FAAH2: variants seen among roughly 807,000 people sequenced by gnomAD.
FAAH2 encodes the protein fatty acid amide hydrolase 2, also known as fatty-acid amide hydrolase 2.
FAAH2 carries 60 observed loss-of-function variants against 36.9 expected under a neutral mutation model. That is an observed-to-expected ratio of 1.63 (90% confidence interval 1.32 to 2.02). FAAH2 has a LOEUF of 2.02. FAAH2 is among the 30% of genes most tolerant of loss of function. The pLI, the probability that FAAH2 is intolerant of heterozygous loss-of-function variation, is 0.00. For missense variants in FAAH2, 689 were observed against 397.5 expected, an observed-to-expected ratio of 1.73 and a Z score of -6.23; for synonymous variants, 214 against 143.8, an observed-to-expected ratio of 1.49 and a Z score of -3.49.
intron 2 of FAAH2, among the ~76,000 whole-genome samples, chrX:57,309,405 A>G (rs1279888587): frequency 8.9e-6 from 1 of 112,331 alleles, no homozygotes; most frequent in Non-Finnish European, 1.9e-5. Context: ...ATTAAATGAC[A>G]TTACATCATA....
chrX:57,240,390 C>T, the FAAH2 span, among the ~76,000 whole-genome samples: 1 of 111,744 alleles, frequency 8.9e-6, no homozygotes, highest in Non-Finnish European at 1.9e-5. Flanking sequence ...GGTTAAGCAC[C>T]TGCTGTGCTG....
the FAAH2 span, among the ~76,000 whole-genome samples, chrX:57,163,275 A>G: frequency 4.5e-5 from 5 of 111,965 alleles, no homozygotes; most frequent in African/African-American, 1.6e-4. Flanking sequence ...GCTGTCAGAC[A>G]GGGACATTTA....
At chrX:57,277,408 T>C in the FAAH2 span, among the ~76,000 whole-genome samples, 2 of 111,775 alleles carry the variant, frequency 1.8e-5, no homozygotes, top group African/African-American at 6.5e-5. Flanking sequence ...AAACTAGGTA[T>C]TGATGGAATG....
rs1049494282 is a variant in FAAH2 at position 57,463,331 on chromosome X, A to T, written c.1423+14613A>T. ...TAATTTAAATTTTATATGAAACAAA[A>T]AAAGAGCCCATATAGCCAAGAAAAC... is the stretch of plus-strand genomic sequence containing the variant. On this transcript the variant is annotated intron_variant, in intron 10 of 10. Transcript: ENST00000374900. Among the ~76,000 whole-genome samples the T allele has an allele frequency of 4.5e-5, 5 of 111,503 alleles. No individual in the cohort carries two copies. The East Asian group carries it at 1.1e-3, about 25-fold the overall frequency.
the FAAH2 span, among the ~76,000 whole-genome samples, chrX:57,237,320 G>A: frequency 1.8e-5 from 2 of 110,584 alleles, no homozygotes; most frequent in Non-Finnish European, 3.8e-5. Flanking sequence ...TTTTTTATTT[G>A]TTTTATTTTT....
chrX:57,286,879 C>G lies in FAAH2; in HGVS notation c.54C>G (p.Gly18=), dbSNP rs780908655. 8.4e-7 allele frequency: 1 copy of G among 1,196,309 alleles called. No individual in the cohort carries two copies. The highest frequency in any genetic ancestry group is 1.8e-5 in the African/African-American group (1 of 56,485). The part of the protein sequence containing the change: ...RIQLFLLRAL[G]FLIGLVGRAA... The stretch of plus-strand genomic sequence containing the variant: ...AGTTGTTCCTCTTGCGGGCGCTAGG[C>G]TTTCTCATAGGCTTAGTAGGCCGAG... Residue 18 remains glycine, a synonymous_variant, in exon 1 of 11, where the codon GGC becomes GGG. Coordinates refer to ENST00000374900, the MANE Select transcript of FAAH2 (RefSeq NM_174912.4).
the FAAH2 span, among the ~76,000 whole-genome samples, chrX:57,253,075 A>G: frequency 8.9e-6 from 1 of 112,147 alleles, no homozygotes; most frequent in African/African-American, 3.2e-5. Context: ...AGCTTAAATT[A>G]CCTGATGGAG....
chrX:57,423,757 T>A (rs753884808), intron 7 of FAAH2, among the ~76,000 whole-genome samples: 1 of 111,169 alleles, frequency 9.0e-6, no homozygotes, highest in Non-Finnish European at 1.9e-5. Context: ...CCTAGCCCAG[T>A]CCCACTCAGC....
the FAAH2 span, among the ~76,000 whole-genome samples, chrX:57,157,545 T>G: frequency 1.8e-5 from 2 of 111,495 alleles, no homozygotes; most frequent in African/African-American, 6.5e-5. Context: ...CTGCACTCTT[T>G]CTCTCCCAAC....
intron 5 of FAAH2, among the ~76,000 whole-genome samples, chrX:57,343,415 C>T (rs2147064063): frequency 9.0e-6 from 1 of 111,510 alleles, no homozygotes; most frequent in South Asian, 3.7e-4. Context: ...GCTTGTACAT[C>T]TTCTTTTGAG....
the FAAH2 span, among the ~76,000 whole-genome samples, chrX:57,215,070 G>A: frequency 1.9e-5 from 2 of 103,629 alleles, no homozygotes; most frequent in African/African-American, 7.3e-5. Flanking sequence ...TCTGGCAGGG[G>A]TCTAATATCC....
At chrX:57,304,288 A>T (rs2052460045) in intron 2 of FAAH2, among the ~76,000 whole-genome samples, 2 of 112,449 alleles carry the variant, frequency 1.8e-5, no homozygotes, top group South Asian at 7.3e-4. Context: ...CACTGCAAAG[A>T]ACAGAAAATC....
the FAAH2 span, among the ~76,000 whole-genome samples, chrX:57,257,597 C>T: frequency 2.7e-5 from 3 of 110,134 alleles, no homozygotes; most frequent in East Asian, 2.9e-4. Flanking sequence ...AATGTAGTGA[C>T]GGGTTGATGG....
At chrX:57,244,603 C>A in the FAAH2 span, among the ~76,000 whole-genome samples, 1 of 111,584 alleles carries the variant, frequency 9.0e-6, no homozygotes, top group Non-Finnish European at 1.9e-5. Flanking sequence ...GAATTTTCAA[C>A]CCAGAATTTC....
chrX:57,274,489 C>T, the FAAH2 span, among the ~76,000 whole-genome samples: 2 of 111,975 alleles, frequency 1.8e-5, no homozygotes, highest in Non-Finnish European at 3.8e-5. Context: ...TGATAAATAT[C>T]GATGTGACAA....
At chrX:57,267,201 A>G in the FAAH2 span, among the ~76,000 whole-genome samples, 2 of 112,032 alleles carry the variant, frequency 1.8e-5, no homozygotes, top group Admixed American at 1.9e-4. Context: ...GCAAATCCCC[A>G]AGTCGTTTTT....
the FAAH2 span, among the ~76,000 whole-genome samples, chrX:57,277,429 T>C: frequency 9.0e-6 from 1 of 111,643 alleles, no homozygotes; most frequent in Non-Finnish European, 1.9e-5. Flanking sequence ...TATCTCAAAA[T>C]AATAGGATCT....
the FAAH2 span, among the ~76,000 whole-genome samples, chrX:57,274,337 G>A: frequency 8.9e-6 from 1 of 111,978 alleles, no homozygotes; most frequent in Non-Finnish European, 1.9e-5. Flanking sequence ...GGAACAAAGA[G>A]GAGCTGCTAC....
At chrX:57,121,692 C>T in the FAAH2 span, 1 of 112,424 alleles carries the variant, frequency 8.9e-6, no homozygotes. Context: ...CCGCCTCTTT[C>T]CAAATCCGGA....
Sources: gnomAD v4.1 joint callset for allele counts (sites outside exome capture counted in the v4.1 genomes callset) on GRCh38, gnomAD v4.1.1 for gene constraint, MANE v1.5 for transcripts, NCBI Gene and HGNC (gene_info 2026-07-23, HGNC 2026-07-21) for gene names.